Variants in CRBN observed in about 807,000 individuals in gnomAD.
CRBN encodes protein cereblon.
In CRBN, 53 loss-of-function variants were observed where a neutral mutation model predicts 62.2. The ratio of observed to expected loss-of-function variants is 0.85; its 90% CI spans 0.68 to 1.07. The LOEUF (loss-of-function observed/expected upper bound fraction) is 1.07, where lower values mean the gene tolerates loss of function less well. Ranked by LOEUF, CRBN falls within the 50% of genes least tolerant of loss-of-function variation. CRBN has a pLI of 0.00. For missense variants in CRBN, 616 were observed against 531.1 expected (o/e 1.16, Z -1.57); for synonymous variants, 208 against 176.1 (o/e 1.18, Z -1.43).
intron 5 of CRBN, among the ~76,000 whole-genome samples, chr3:3,159,848 C>T (rs1046929852): frequency 2.0e-5 from 3 of 152,130 alleles, no homozygotes; most frequent in African/African-American, 7.2e-5. Flanking sequence ...AGCTTTCTGG[C>T]ACAATAGGAA....
At chr3:3,157,354 A>G (rs745449422) in intron 5 of CRBN, among the ~76,000 whole-genome samples, 6 of 152,212 alleles carry the variant, frequency 3.9e-5, no homozygotes, top group Non-Finnish European at 7.3e-5. Context: ...ATACGTACAA[A>G]TCTTTGTAAT....
At chr3:3,156,132 T>C (rs546126629) in intron 6 of CRBN, 87 bp downstream of exon 6, 29 of 1,144,344 alleles carry the variant, frequency 2.5e-5, no homozygotes, top group African/African-American at 4.6e-5. Context: ...CACTAGAAAC[T>C]GGAAAAACTA....
intron 5 of CRBN, among the ~76,000 whole-genome samples, chr3:3,165,508 G>T (rs1422721249): frequency 6.6e-6 from 1 of 152,170 alleles, no homozygotes; most frequent in Non-Finnish European, 1.5e-5. Flanking sequence ...AGCAAAACAA[G>T]ACTATCCACC....
At chr3:3,155,632 A>G (rs985456076) in intron 6 of CRBN, 1 of 153,336 alleles carries the variant, frequency 6.5e-6, no homozygotes, top group African/African-American at 2.4e-5. Context: ...TTAAGGAGCA[A>G]AAACCCTCCT....
chr3:3,160,730 G>T (rs1209253838), intron 5 of CRBN, among the ~76,000 whole-genome samples: 2 of 152,234 alleles, frequency 1.3e-5, no homozygotes, highest in Non-Finnish European at 2.9e-5. Context: ...CAAAAAAGCA[G>T]TGAGGGGCTT....
intron 5 of CRBN, among the ~76,000 whole-genome samples, chr3:3,161,454 TA>T (rs1326450629): frequency 6.6e-6 from 1 of 152,238 alleles, no homozygotes; most frequent in East Asian, 1.9e-4. Flanking sequence ...ACAAACACCT[TA>T]AGTATTTTGA....
At chr3:3,157,500 G>C (rs1706946697) in intron 5 of CRBN, among the ~76,000 whole-genome samples, 1 of 152,060 alleles carries the variant, frequency 6.6e-6, no homozygotes, top group Non-Finnish European at 1.5e-5. Context: ...AAAACAAGAG[G>C]AAGACCCTAC....
chr3:3,175,196 T>A lies in CRBN; in HGVS notation c.141A>T (p.Ile47=). The A allele has an allele frequency of 6.2e-7, 1 of 1,613,618 alleles. No homozygotes were observed. The highest frequency in any genetic ancestry group is 8.5e-7 in the Non-Finnish European group (1 of 1,179,584). ...DSKEAKKPNI[I]NFDTSLPTSH... is the part of the protein sequence containing the mutation. Reference sequence around the variant, plus strand: ...ATGTCGGCAGACTGGTGTCAAAATTTATGATGTTTGGTTTTTTGGCTTCTT... The same window carrying A: ...ATGTCGGCAGACTGGTGTCAAAATTAATGATGTTTGGTTTTTTGGCTTCTT... The change falls in exon 2 of 11, where the codon ATA becomes ATT. Residue 47 remains isoleucine, a synonymous_variant. Transcript: ENST00000231948.
intron 1 of CRBN, among the ~76,000 whole-genome samples, chr3:3,177,131 C>G (rs1707855785): frequency 6.7e-6 from 1 of 149,664 alleles, no homozygotes; most frequent in Admixed American, 6.7e-5. Flanking sequence ...GCCCAAAAGT[C>G]CAGTGCTGAG....
chr3:3,150,946 G>C lies in CRBN; in HGVS notation c.1248C>G (p.Gly416=). 3 of 1,614,008 alleles carry C rather than the reference G, an allele frequency of 1.9e-6. No individual in the cohort carries two copies. The South Asian group carries it at 3.3e-5, about 18-fold the overall frequency. Reference sequence around the variant, plus strand: ...TGGGCAACAGAGCAGATCGCGTTAAGCCCCAAAATTTTTGAGGTGACATGT... The same window carrying C: ...TGGGCAACAGAGCAGATCGCGTTAACCCCCAAAATTTTTGAGGTGACATGT... The part of the protein sequence containing the change: ...KKDMSPQKFW[G]LTRSALLPTI... The change falls in exon 11 of 11, where the codon GGC becomes GGG. Residue 416 remains glycine (G), a synonymous_variant. Transcript: ENST00000231948.
At chr3:3,178,950 G>C (rs711611) in intron 1 of CRBN, among the ~76,000 whole-genome samples, 105,394 of 151,560 alleles carry the variant, frequency 0.7, 38,323 homozygotes, top group East Asian at 0.91. Context: ...ACAACATACA[G>C]GAAAAAGAAA....
intron 6 of CRBN, 59 bp downstream of exon 6, chr3:3,156,160 G>C: frequency 1.4e-6 from 2 of 1,381,012 alleles, no homozygotes; most frequent in Non-Finnish European, 2.1e-6. Context: ...GTTTTTTAAT[G>C]ACCCTTAATT....
intron 4 of CRBN, among the ~76,000 whole-genome samples, chr3:3,169,971 T>C (rs1225099504): frequency 1.3e-5 from 2 of 151,394 alleles, no homozygotes; most frequent in Non-Finnish European, 2.9e-5. Context: ...ACTCATGACT[T>C]TGGGGGTTGT....
intron 8 of CRBN, 49 bp from the exon 9 acceptor site, chr3:3,153,537 T>C: frequency 1.0e-6 from 1 of 1,004,664 alleles, no homozygotes; most frequent in Non-Finnish European, 1.6e-6. Context: ...TGGCATTCAC[T>C]TTATCATGTA....
downstream of CRBN, chr3:3,149,896 G>A (rs1274055113): frequency 1.3e-5 from 2 of 152,112 alleles, no homozygotes; most frequent in East Asian, 1.9e-4. Flanking sequence ...TACAAATGTG[G>A]AAGGAAGGAC....
chr3:3,150,655 T>G lies in CRBN; in HGVS notation c.*210A>C. 1 of 508,648 alleles carries G rather than the reference T, an allele frequency of 2.0e-6. No individual in the cohort carries two copies. Among genetic ancestry groups the G allele is most frequent in the Non-Finnish European group, 3.5e-6 (1 of 282,078 alleles). The allele number at this position is 508,648 out of a possible 1,614,324, so 31.5% of individuals were successfully genotyped here. On this transcript the variant is annotated 3_prime_UTR_variant, in exon 11 of 11. Transcript: ENST00000231948. ...GCTACCCAAGTAGATGTTTCTGGTA[T>G]TCTAGACTGCCGTTCATGCTTGTTT...
At chr3:3,172,461 G>C (rs1707656520) in intron 4 of CRBN, 1 of 352,458 alleles carries the variant, frequency 2.8e-6, no homozygotes, top group Non-Finnish European at 5.3e-6. Context: ...ACTTCCCTTT[G>C]GATTTACATG....
At chr3:3,151,269 T>C (rs1440060080) in intron 10 of CRBN, among the ~76,000 whole-genome samples, 1 of 152,234 alleles carries the variant, frequency 6.6e-6, no homozygotes, top group Admixed American at 6.5e-5. Flanking sequence ...TGTTTACATT[T>C]TTCTTCTACT....
intron 4 of CRBN, among the ~76,000 whole-genome samples, chr3:3,170,360 T>A (rs1707554530): frequency 6.6e-6 from 1 of 152,236 alleles, no homozygotes; most frequent in South Asian, 2.1e-4. Context: ...TATTTTTCTA[T>A]ATGCTTATTT....
Sources: gnomAD v4.1 joint callset for allele counts (sites outside exome capture counted in the v4.1 genomes callset) on GRCh38, gnomAD v4.1.1 for gene constraint, MANE v1.5 for transcripts, NCBI Gene and HGNC (gene_info 2026-07-23, HGNC 2026-07-21) for gene names.